Variants in TLL2 observed in about 807,000 individuals in gnomAD.
The protein encoded by TLL2 is tolloid like 2, also known as tolloid-like protein 2.
Under a neutral mutation model 123.0 loss-of-function variants are expected in TLL2, and 106 were observed. That is an observed-to-expected ratio of 0.86 (90% confidence interval 0.74 to 1.01). The LOEUF (loss-of-function observed/expected upper bound fraction) is 1.01. TLL2 is among the 50% of genes least tolerant of loss of function. The pLI, the probability that TLL2 is intolerant of heterozygous loss-of-function variation, is 0.00. For synonymous variants in TLL2, 494 were observed against 516.8 expected (o/e 0.96, Z 0.60); for missense variants, 1,332 against 1,336.7 (o/e 1.00, Z 0.06).
At chr10:96,420,195 T>G (rs1846605629) in intron 7 of TLL2, among the ~76,000 whole-genome samples, 1 of 152,238 alleles carries the variant, frequency 6.6e-6, no homozygotes, top group Admixed American at 6.5e-5. Context: ...AAAATATTTG[T>G]TCTCTGTGAC....
chr10:96,451,856 A>G (rs975833987), intron 2 of TLL2, among the ~76,000 whole-genome samples: 13 of 152,246 alleles, frequency 8.5e-5, no homozygotes, highest in Non-Finnish European at 2.9e-5. Context: ...GACATTACAT[A>G]CTAAAGAAAC....
intron 2 of TLL2, among the ~76,000 whole-genome samples, chr10:96,448,911 T>C (rs1846927087): frequency 6.6e-6 from 1 of 152,066 alleles, no homozygotes; most frequent in Admixed American, 6.5e-5. Context: ...TTATTCTGAG[T>C]GAACTAGATG....
At chr10:96,488,478 C>A (rs971233582) in intron 1 of TLL2, among the ~76,000 whole-genome samples, 2 of 152,222 alleles carry the variant, frequency 1.3e-5, no homozygotes, top group Non-Finnish European at 2.9e-5. Context: ...GCAGACTCTT[C>A]CCTTGTGTTC....
chr10:96,455,875 C>A (rs1347144766), intron 2 of TLL2, among the ~76,000 whole-genome samples: 1 of 152,176 alleles, frequency 6.6e-6, no homozygotes. Context: ...ATCCAAGAAC[C>A]CTCTCTTGGG....
Position 96,442,264 on chromosome 10 carries a change from C to T in TLL2, c.364+3827G>A, listed in dbSNP as rs996145418. Among the ~76,000 whole-genome samples the T allele has an allele frequency of 2.0e-5, 3 of 152,174 alleles. No homozygotes were observed. In the East Asian group the frequency reaches 5.8e-4, roughly 29 times the overall value. ...ATAATGCCAGGAAATAAACCTGCTG[C>T]CGAAACTGGGCGCTTCCCTCAGATC... On this transcript the variant is annotated intron_variant, in intron 3 of 20. Transcript: ENST00000357947.
intron 1 of TLL2, among the ~76,000 whole-genome samples, chr10:96,501,750 G>A (rs1847535473): frequency 6.6e-6 from 1 of 152,194 alleles, no homozygotes; most frequent in Non-Finnish European, 1.5e-5. Flanking sequence ...ACCCGCCTCA[G>A]AGCTTACCAA....
At chr10:96,402,809 C>T (rs1846408757) in intron 10 of TLL2, among the ~76,000 whole-genome samples, 1 of 152,204 alleles carries the variant, frequency 6.6e-6, no homozygotes, top group Non-Finnish European at 1.5e-5. Context: ...CAGCCAACCC[C>T]TCTGTCCAGC....
At chr10:96,484,127 A>G (rs1847336540) in intron 1 of TLL2, among the ~76,000 whole-genome samples, 1 of 152,188 alleles carries the variant, frequency 6.6e-6, no homozygotes, top group Non-Finnish European at 1.5e-5. Context: ...TATAGGCATG[A>G]GCCACTTCGC....
At chr10:96,395,845 C>T (rs548646755) in intron 12 of TLL2, 30 bp downstream of exon 12, 1 of 1,607,018 alleles carries the variant, frequency 6.2e-7, no homozygotes, top group East Asian at 2.2e-5. Context: ...GTTGCCGTTT[C>T]CTTGGGAAGC....
intron 3 of TLL2, among the ~76,000 whole-genome samples, chr10:96,433,632 TTCACCAGTCAGA>T (rs1466688831): frequency 6.6e-6 from 1 of 152,222 alleles, no homozygotes. Flanking sequence ...ATGCATTTCA[TTCACCAGTCAGA>T]TAATTTAAAA....
intron 2 of TLL2, among the ~76,000 whole-genome samples, chr10:96,477,424 C>T (rs1740463308): frequency 6.6e-6 from 1 of 151,342 alleles, no homozygotes; most frequent in African/African-American, 2.4e-5. Flanking sequence ...ATCTTGCTCA[C>T]TGCAGCCTCG....
chr10:96,437,968 A>G (rs1846813214), intron 3 of TLL2, among the ~76,000 whole-genome samples: 1 of 152,188 alleles, frequency 6.6e-6, no homozygotes, highest in Non-Finnish European at 1.5e-5. Flanking sequence ...TCTCTATTCC[A>G]TTGGTCTACA....
chr10:96,370,459 G>T, intron 19 of TLL2, 144 bp from the exon 20 acceptor site: 1 of 1,179,960 alleles, frequency 8.5e-7, no homozygotes, highest in African/African-American at 1.6e-5. Flanking sequence ...TGATGGAGGA[G>T]TACACAGAGG....
intron 2 of TLL2, among the ~76,000 whole-genome samples, chr10:96,469,863 G>A (rs2134098433): frequency 6.6e-6 from 1 of 152,346 alleles, no homozygotes; most frequent in South Asian, 2.1e-4. Flanking sequence ...TTTGGCATCA[G>A]AGAGGCAGCA....
intron 2 of TLL2, among the ~76,000 whole-genome samples, chr10:96,472,040 CCCCT>C (rs1205224195): frequency 6.6e-6 from 1 of 152,130 alleles, no homozygotes; most frequent in African/African-American, 2.4e-5. Context: ...TTCTCTGGAC[CCCCT>C]CCTCACCTAG....
chr10:96,376,382 A>C (rs909359248), intron 18 of TLL2, among the ~76,000 whole-genome samples: 8 of 152,236 alleles, frequency 5.3e-5, no homozygotes, highest in Non-Finnish European at 8.8e-5. Context: ...GTCTTGTAAA[A>C]AATTAAAACT....
intron 10 of TLL2, among the ~76,000 whole-genome samples, chr10:96,400,224 A>G (rs2134064982): frequency 6.6e-6 from 1 of 152,280 alleles, no homozygotes. Context: ...TATTAATCCC[A>G]CTTCACAGAC....
In TLL2 at chr10:96,384,691, G is replaced by GAGCCGCAGAACC; in HGVS notation, c.2078_2089dup (p.Gly696_Ser697insTrpPheCysGly). ...CGAGGTGATGACCTCCGGCGTCTCA[G>GAGCCGCAGAACC]AGCCGCAGAACCTGCCGTGCAGCTT... is the stretch of plus-strand genomic sequence containing the variant. On this transcript the variant is annotated inframe_insertion, in exon 16 of 21. Coordinates refer to ENST00000357947, the MANE Select transcript of TLL2 (RefSeq NM_012465.4). 6.2e-7 allele frequency: 1 copy of GAGCCGCAGAACC among 1,613,060 alleles called. No homozygotes were observed. Among genetic ancestry groups the GAGCCGCAGAACC allele is most frequent in the Non-Finnish European group, 8.5e-7 (1 of 1,179,290 alleles).
rs537930764 is a variant in TLL2, at chr10:96,427,992, C to T, written c.638+639G>A. 2.9e-5 allele frequency among the ~76,000 whole-genome samples: 4 copies of T among 136,234 alleles called. No individual in the cohort carries two copies. In the East Asian group the frequency reaches 8.4e-4, roughly 28 times the overall value. The allele number at this position is 136,234 out of a possible 152,430, so 89.4% of individuals were successfully genotyped here. A position where few individuals can be genotyped will look rare whatever the true frequency, so the allele number is the denominator to read the frequency against. ...TATTTTTAGTAGAGATGGGGTTTCA[C>T]CATTGTTGGTCAGGCTGGTCTGGAA... On this transcript the variant is annotated intron_variant, in intron 5 of 20. Coordinates refer to ENST00000357947, the MANE Select transcript of TLL2 (RefSeq NM_012465.4).
Sources: gnomAD v4.1 joint callset for allele counts (sites outside exome capture counted in the v4.1 genomes callset) on GRCh38, gnomAD v4.1.1 for gene constraint, MANE v1.5 for transcripts, NCBI Gene and HGNC (gene_info 2026-07-23, HGNC 2026-07-21) for gene names.